Variants in GLRA3 observed in about 807,000 individuals in gnomAD.
GLRA3 encodes the protein glycine receptor subunit alpha-3.
GLRA3 carries 44 observed loss-of-function variants against 60.4 expected under a neutral mutation model. That is an observed-to-expected ratio of 0.73 (90% CI 0.57 to 0.94). The LOEUF is 0.94. Among genes scored for constraint, GLRA3 ranks in the 40% least tolerant of loss-of-function variants. GLRA3 has a pLI of 0.00. For synonymous variants in GLRA3, 223 were observed against 192.9 expected (o/e 1.16, Z -1.29); for missense variants, 508 against 564.6 (o/e 0.90, Z 1.02).
At chr4:174,798,496 C>T (rs538156763) in intron 1 of GLRA3, among the ~76,000 whole-genome samples, 23 of 152,152 alleles carry the variant, frequency 1.5e-4, no homozygotes, top group African/African-American at 5.1e-4. Context: ...TGTGATGTTT[C>T]GAGTATTTCA....
Position 174,766,982 on chromosome 4 carries a change from G to C in GLRA3, c.248C>G (p.Ser83Cys). 1 of 1,595,086 alleles carries C rather than the reference G, an allele frequency of 6.3e-7. No homozygotes were observed. Among genetic ancestry groups the C allele is most frequent in the South Asian group, 1.1e-5 (1 of 89,732 alleles). ...GCCTACCATGGTCGTCTCTGCGATA[G>C]AGCCAAAGCTGTTGATGAATATGTT... ...TCNIFINSFGSIAETTMDYRV... is the reference protein window; with the variant it reads ...TCNIFINSFGCIAETTMDYRV... Residue 83 changes from serine to cysteine, a missense_variant, in exon 3 of 10, where the codon TCT becomes TGT. This residue lies in a region of GLRA3 where 329 missense variants were observed against 349.3 expected (regional missense o/e 0.94). Transcript: ENST00000274093.
intron 4 of GLRA3, 45 bp from the exon 5 acceptor site, chr4:174,715,615 TA>T: frequency 2.3e-6 from 2 of 879,524 alleles, no homozygotes; most frequent in South Asian, 3.0e-5. Flanking sequence ...TATGACATTA[TA>T]TTAATATTCT....
At chr4:174,785,403 C>A (rs1358328307) in intron 2 of GLRA3, among the ~76,000 whole-genome samples, 1 of 151,862 alleles carries the variant, frequency 6.6e-6, no homozygotes, top group Non-Finnish European at 1.5e-5. Flanking sequence ...TACTATTACT[C>A]CAGAAATAAA....
At chr4:174,766,293 C>T (rs1196459770) in intron 3 of GLRA3, among the ~76,000 whole-genome samples, 1 of 151,812 alleles carries the variant, frequency 6.6e-6, no homozygotes, top group African/African-American at 2.4e-5. Flanking sequence ...AAATTGGCTG[C>T]TAGACAATTT....
intron 2 of GLRA3, among the ~76,000 whole-genome samples, chr4:174,769,009 C>T (rs932901260): frequency 6.6e-6 from 1 of 152,004 alleles, no homozygotes; most frequent in Admixed American, 6.6e-5. Flanking sequence ...TTAAACTGAG[C>T]GTAATTTTTG....
intron 1 of GLRA3, among the ~76,000 whole-genome samples, chr4:174,820,020 G>A (rs969531116): frequency 3.9e-5 from 6 of 152,124 alleles, no homozygotes; most frequent in Admixed American, 2.6e-4. Flanking sequence ...GGTATGAAGC[G>A]TTATTTTAGT....
At chr4:174,703,624 C>T (rs901245008) in intron 5 of GLRA3, among the ~76,000 whole-genome samples, 3 of 152,070 alleles carry the variant, frequency 2.0e-5, no homozygotes, top group Non-Finnish European at 4.4e-5. Context: ...ATGCTATGTT[C>T]CTAATTCACA....
intron 3 of GLRA3, among the ~76,000 whole-genome samples, chr4:174,741,663 C>A (rs1415894768): frequency 6.6e-6 from 1 of 152,026 alleles, no homozygotes; most frequent in Non-Finnish European, 1.5e-5. Context: ...CGTTACCTAA[C>A]CCAAAGTCAC....
chr4:174,727,294 T>G (rs2111129219), intron 4 of GLRA3, among the ~76,000 whole-genome samples: 1 of 152,306 alleles, frequency 6.6e-6, no homozygotes, highest in East Asian at 1.9e-4. Flanking sequence ...TCCTACTATT[T>G]TATCCCTGAT....
At chr4:174,707,764 G>A (rs1220482552) in intron 5 of GLRA3, among the ~76,000 whole-genome samples, 1 of 152,140 alleles carries the variant, frequency 6.6e-6, no homozygotes, top group Non-Finnish European at 1.5e-5. Flanking sequence ...AAAAGTTTGT[G>A]AGCTATTAAA....
At chr4:174,814,295 G>A (rs1184627377) in intron 1 of GLRA3, among the ~76,000 whole-genome samples, 1 of 152,084 alleles carries the variant, frequency 6.6e-6, no homozygotes, top group African/African-American at 2.4e-5. Context: ...AGTGGAAATG[G>A]CTCTCAGCAG....
chr4:174,815,728 C>T (rs1740470210), intron 1 of GLRA3, among the ~76,000 whole-genome samples: 1 of 152,116 alleles, frequency 6.6e-6, no homozygotes, highest in African/African-American at 2.4e-5. Flanking sequence ...GCACCAAGTC[C>T]CTAGGCTGCA....
At chr4:174,683,123 G>T (rs1184473615) in intron 5 of GLRA3, among the ~76,000 whole-genome samples, 184 bp from the exon 6 acceptor site, 1 of 152,008 alleles carries the variant, frequency 6.6e-6, no homozygotes, top group South Asian at 2.1e-4. Flanking sequence ...CTATTCACGT[G>T]GAACTCCCAC....
In GLRA3 at chr4:174,715,512, T is replaced by C. The variant is rs370369267; in HGVS notation, c.550A>G (p.Thr184Ala). ...CAGCTTTCCAGTTGCATTATACATG[T>C]TTGTACATCCATGGGAAAATTCTTG... is the stretch of plus-strand genomic sequence containing the variant. ...DLKNFPMDVQ[T>A]CIMQLESFGY... The change falls in exon 5 of 10, where the codon ACA (threonine) becomes GCA (alanine). Residue 184 changes from threonine (T) to alanine (A), a missense_variant. This residue lies in a region of GLRA3 where 329 missense variants were observed against 349.3 expected (regional missense o/e 0.94). Coordinates refer to ENST00000274093, the MANE Select transcript of GLRA3 (RefSeq NM_006529.4). 4 of 1,551,032 alleles carry C rather than the reference T, an allele frequency of 2.6e-6. No homozygotes were observed. The highest frequency in any genetic ancestry group is 2.7e-6 in the Non-Finnish European group (3 of 1,125,648).
At chr4:174,701,852 CTACAATCTCA>C (rs1281332513) in intron 5 of GLRA3, among the ~76,000 whole-genome samples, 1 of 152,206 alleles carries the variant, frequency 6.6e-6, no homozygotes, top group Admixed American at 6.5e-5. Context: ...CACCAAATTG[CTACAATCTCA>C]TGATCAAACT....
chr4:174,670,562 AGTTTGAT>A (rs1263469146), intron 7 of GLRA3, among the ~76,000 whole-genome samples: 1 of 152,162 alleles, frequency 6.6e-6, no homozygotes, highest in African/African-American at 2.4e-5. Flanking sequence ...TTTTAAACTT[AGTTTGAT>A]GTCAAAGCTG....
At chr4:174,668,148 A>C (rs1733752227) in intron 7 of GLRA3, among the ~76,000 whole-genome samples, 1 of 152,088 alleles carries the variant, frequency 6.6e-6, no homozygotes, top group African/African-American at 2.4e-5. Context: ...TATGATTGTA[A>C]GTTTCCTGAG....
chr4:174,795,235 C>A (rs1375866888), intron 1 of GLRA3, among the ~76,000 whole-genome samples: 1 of 151,790 alleles, frequency 6.6e-6, no homozygotes, highest in Non-Finnish European at 1.5e-5. Context: ...TGGTAAATAC[C>A]TTTAGAAAGA....
intron 1 of GLRA3, among the ~76,000 whole-genome samples, chr4:174,800,583 T>A (rs941894886): frequency 6.6e-6 from 1 of 152,086 alleles, no homozygotes; most frequent in African/African-American, 2.4e-5. Context: ...ATGCTTTTAT[T>A]TGTATTGTTA....
Sources: allele counts gnomAD v4.1 joint callset (sites outside exome capture counted in the v4.1 genomes callset), GRCh38; gene constraint gnomAD v4.1.1; regional missense constraint gnomAD v4.1.1; transcripts MANE v1.5; gene names NCBI Gene and HGNC (gene_info 2026-07-23, HGNC 2026-07-21).